Variants in FCHSD2 observed in about 807,000 individuals in gnomAD.
The protein encoded by FCHSD2 is FCH and double SH3 domains 2, also known as F-BAR and double SH3 domains protein 2.
FCHSD2 carries 38 observed loss-of-function variants against 108.1 expected under a neutral mutation model. The observed-to-expected ratio is 0.35, with a 90% CI of 0.27 to 0.46. The LOEUF (loss-of-function observed/expected upper bound fraction) is 0.46. Among genes scored for constraint, FCHSD2 ranks in the 20% least tolerant of loss-of-function variants. The pLI is 1.00. For synonymous variants in FCHSD2, 279 were observed against 314.7 expected, an observed-to-expected ratio of 0.89 and a Z score of 1.20; for missense variants, 751 against 897.8, an observed-to-expected ratio of 0.84 and a Z score of 2.09.
intron 9 of FCHSD2, among the ~76,000 whole-genome samples, chr11:72,917,421 T>A: frequency 6.6e-6 from 1 of 152,354 alleles, no homozygotes; most frequent in East Asian, 1.9e-4. Context: ...ATTTCTGAAC[T>A]CTCAATTCTG....
At chr11:73,034,344 A>G (rs1858436806) in intron 3 of FCHSD2, among the ~76,000 whole-genome samples, 1 of 152,240 alleles carries the variant, frequency 6.6e-6, no homozygotes, top group South Asian at 2.1e-4. Context: ...ACATGAAGCT[A>G]GAAATTCTCA....
At chr11:73,054,975 T>C (rs535643735) in intron 3 of FCHSD2, among the ~76,000 whole-genome samples, 4 of 152,240 alleles carry the variant, frequency 2.6e-5, no homozygotes, top group Admixed American at 6.5e-5. Context: ...CTGGGTAGTT[T>C]ATAAAAAGAG....
chr11:72,874,848 C>T (rs1854934304), intron 12 of FCHSD2, among the ~76,000 whole-genome samples: 1 of 152,042 alleles, frequency 6.6e-6, no homozygotes, highest in Non-Finnish European at 1.5e-5. Flanking sequence ...TCATGATTTG[C>T]CAACTTATTA....
At chr11:73,107,353 T>C (rs1442056190) in intron 2 of FCHSD2, among the ~76,000 whole-genome samples, 1 of 152,164 alleles carries the variant, frequency 6.6e-6, no homozygotes, top group Non-Finnish European at 1.5e-5. Context: ...TGGCCATTTT[T>C]TTTATTTTTA....
At position 72,941,062 on chromosome 11, in the gene FCHSD2, C is replaced by T. The variant is rs188464790; in HGVS notation, c.706-19112G>A. 4.3e-4 allele frequency: 278 copies of T among 648,936 alleles called. 1 individual carries two copies. Among genetic ancestry groups the T allele is most frequent in the African/African-American group, 3.8e-3 (212 of 56,040 alleles). 40.2% of individuals were successfully genotyped at this position (648,936 alleles called of 1,614,324 possible). A position where few individuals can be genotyped will look rare whatever the true frequency, so the allele number is the denominator to read the frequency against. ...CCACCATGCTATTGGTGGTTCTTGC[C>T]GGGCAGCTTAGAGAAGGCGCAAAAC... is the stretch of plus-strand genomic sequence containing the variant. On this transcript the variant is annotated intron_variant, in intron 8 of 19. Transcript: ENST00000409418.
chr11:72,842,478 A>C, intron 17 of FCHSD2, 143 bp downstream of exon 17: 1 of 907,616 alleles, frequency 1.1e-6, no homozygotes, highest in Non-Finnish European at 1.6e-6. Flanking sequence ...TGGTTTCCCA[A>C]ATGCAGTTGT....
chr11:72,951,139 C>A (rs1856613041), intron 8 of FCHSD2, among the ~76,000 whole-genome samples: 1 of 152,210 alleles, frequency 6.6e-6, no homozygotes, highest in African/African-American at 2.4e-5. Context: ...TACTCCAAAC[C>A]ATTGCATTAG....
chr11:72,908,009 C>A (rs1264141888), intron 9 of FCHSD2, among the ~76,000 whole-genome samples: 1 of 152,298 alleles, frequency 6.6e-6, no homozygotes, highest in East Asian at 1.9e-4. Context: ...CATTAGCCAT[C>A]CTGGCTCCCC....
chr11:73,104,890 T>C (rs1391160088), intron 2 of FCHSD2, among the ~76,000 whole-genome samples: 2 of 152,162 alleles, frequency 1.3e-5, no homozygotes, highest in East Asian at 1.9e-4. Context: ...AGAGCTATAG[T>C]ACCAAATGGT....
intron 2 of FCHSD2, among the ~76,000 whole-genome samples, chr11:73,135,876 G>C (rs890955631): frequency 6.6e-6 from 1 of 152,120 alleles, no homozygotes; most frequent in Non-Finnish European, 1.5e-5. Flanking sequence ...GGGATTAAGG[G>C]GTGCGTTGCA....
In FCHSD2 at chr11:72,838,023, T is replaced by G. The variant is rs772442655; in HGVS notation, c.*768A>C. 3 of 152,240 alleles carry G rather than the reference T, an allele frequency of 2.0e-5. No homozygotes were observed. The highest frequency in any genetic ancestry group is 4.4e-5 in the Non-Finnish European group (3 of 68,052). 9.4% of individuals were successfully genotyped at this position (152,240 alleles called of 1,614,324 possible). On this transcript the variant is annotated 3_prime_UTR_variant, in exon 20 of 20. Transcript: ENST00000409418. ...CAAAAGAACATTATATTGGCTAATT[T>G]CAGATCCGGAAGTTCCATTTCTGCT...
At position 73,136,198 on chromosome 11, in the gene FCHSD2, G is replaced by A. The variant is rs187097506; in HGVS notation, c.119+3833C>T. ...AAAAAAGAAAGAAAAAAGAAGGGACGTAATGGGGAAGAACTAGACAAAATT... is the reference window on the plus strand; with the variant it reads ...AAAAAAGAAAGAAAAAAGAAGGGACATAATGGGGAAGAACTAGACAAAATT... On this transcript the variant is annotated intron_variant, in intron 2 of 19. Transcript: ENST00000409418. Among the ~76,000 whole-genome samples the A allele has an allele frequency of 1.5e-3, 218 of 150,326 alleles. 2 individuals are homozygous for A. Among genetic ancestry groups the A allele is most frequent in the Admixed American group, 0.013 (195 of 15,078 alleles).
intron 2 of FCHSD2, among the ~76,000 whole-genome samples, chr11:73,106,209 AC>A: frequency 6.6e-6 from 1 of 152,292 alleles, no homozygotes; most frequent in Middle Eastern, 3.4e-3. Context: ...GGAGTTCGAG[AC>A]CAGCCTGGGA....
At chr11:72,852,004 A>G (rs1267235910) in intron 13 of FCHSD2, among the ~76,000 whole-genome samples, 3 of 151,542 alleles carry the variant, frequency 2.0e-5, no homozygotes, top group African/African-American at 7.3e-5. Context: ...AGCCTCCCAA[A>G]TAGATGGGAC....
At chr11:73,082,147 C>A (rs1859703739) in intron 3 of FCHSD2, among the ~76,000 whole-genome samples, 1 of 151,942 alleles carries the variant, frequency 6.6e-6, no homozygotes, top group Non-Finnish European at 1.5e-5. Context: ...ACCATCCTGG[C>A]CAACAGGGTG....
At chr11:72,881,812 T>C (rs577671110) in intron 12 of FCHSD2, among the ~76,000 whole-genome samples, 10 of 152,296 alleles carry the variant, frequency 6.6e-5, no homozygotes, top group African/African-American at 2.4e-4. Context: ...CTCACTCATG[T>C]GTGGGAGCTA....
rs777437660 is a variant in FCHSD2 at position 72,837,547 on chromosome 11, C to T, written c.*1244G>A. On this transcript the variant is annotated 3_prime_UTR_variant, in exon 20 of 20. Transcript: ENST00000409418. ...GCTCCCTACCTTCTACAGGAGCGGA[C>T]AGCAGACAGTCAGCACCTGACGTGG... 6.6e-6 allele frequency: 1 copy of T among 152,008 alleles called. No homozygotes were observed. Among genetic ancestry groups the T allele is most frequent in the South Asian group, 2.1e-4 (1 of 4,832 alleles). 9.4% of individuals were successfully genotyped at this position (152,008 alleles called of 1,614,324 possible).
intron 8 of FCHSD2, among the ~76,000 whole-genome samples, chr11:72,949,236 G>A (rs1286343864): frequency 6.6e-6 from 1 of 151,896 alleles, no homozygotes; most frequent in Non-Finnish European, 1.5e-5. Context: ...GATCACCTGA[G>A]GTCAGGAGTT....
intron 17 of FCHSD2, 91 bp from the exon 18 acceptor site, chr11:72,841,674 C>T (rs1322000803): frequency 7.6e-7 from 1 of 1,314,832 alleles, no homozygotes; most frequent in African/African-American, 1.5e-5. Context: ...CATGCCTTTT[C>T]TCTAAAGCTA....
Sources: gnomAD v4.1 joint callset for allele counts (sites outside exome capture counted in the v4.1 genomes callset) on GRCh38, gnomAD v4.1.1 for gene constraint, MANE v1.5 for transcripts, NCBI Gene and HGNC (gene_info 2026-07-23, HGNC 2026-07-21) for gene names.